XRN1: variants seen among roughly 807,000 people sequenced by gnomAD.
XRN1 encodes the protein strand-exchange protein 1 homolog.
In XRN1, 67 loss-of-function variants were observed where a neutral mutation model predicts 222.3. The observed-to-expected ratio is 0.30, with a 90% CI of 0.25 to 0.37. The LOEUF is 0.37. Among genes scored for constraint, XRN1 ranks in the 10% least tolerant of loss-of-function variants. The pLI, the probability that XRN1 is intolerant of heterozygous loss-of-function variation, is 1.00. For synonymous variants in XRN1, 643 were observed against 652.4 expected, an observed-to-expected ratio of 0.99 and a Z score of 0.22; for missense variants, 1,707 against 2,000.2, an observed-to-expected ratio of 0.85 and a Z score of 2.80.
At chr3:142,322,503 A>G (rs2065383572) in intron 37 of XRN1, among the ~76,000 whole-genome samples, 2 of 152,050 alleles carry the variant, frequency 1.3e-5, no homozygotes, top group Admixed American at 1.3e-4. Flanking sequence ...CCTGGCCAAC[A>G]TGGTGAACCC....
Position 142,332,460 on chromosome 3 carries a change from T to C in XRN1, c.4137A>G (p.Lys1379=), listed in dbSNP as rs372286605. 13 of 1,613,416 alleles carry C rather than the reference T, an allele frequency of 8.1e-6. No homozygotes were observed. The Admixed American group carries it at 8.3e-5, about 10-fold the overall frequency. ...SNTVDHKNEI[K]QIANEIPVSS... is the part of the protein sequence containing the mutation. ...AAACAGGGATTTCATTAGCAATCTG[T>C]TTGATTTCATTCTTATGGTCCACAG... is the stretch of plus-strand genomic sequence containing the variant. The change falls in exon 36 of 41, where the codon AAA becomes AAG. Residue 1379 remains lysine (K), a synonymous_variant. Coordinates refer to ENST00000392981, the MANE Select transcript of XRN1 (RefSeq NM_001282857.2).
intron 36 of XRN1, among the ~76,000 whole-genome samples, chr3:142,330,125 C>T (rs937758390): frequency 2.6e-5 from 4 of 152,116 alleles, no homozygotes; most frequent in Admixed American, 6.5e-5. Context: ...GGTACTGCTA[C>T]AGGTAAAATT....
intron 20 of XRN1, among the ~76,000 whole-genome samples, chr3:142,393,657 T>A (rs1198027167): frequency 6.6e-6 from 1 of 152,186 alleles, no homozygotes; most frequent in African/African-American, 2.4e-5. Context: ...AGCCAGCAAT[T>A]TCTATGGCTA....
intron 23 of XRN1, among the ~76,000 whole-genome samples, chr3:142,379,207 G>A (rs1292013292): frequency 1.3e-5 from 2 of 152,150 alleles, no homozygotes; most frequent in Admixed American, 6.5e-5. Flanking sequence ...GGAGGCAGAG[G>A]TTGCACTGAG....
intron 23 of XRN1, among the ~76,000 whole-genome samples, chr3:142,378,016 T>C (rs2067192616): frequency 6.6e-6 from 1 of 152,170 alleles, no homozygotes; most frequent in African/African-American, 2.4e-5. Context: ...TGCTGATACA[T>C]AATGCCTTAA....
intron 12 of XRN1, 67 bp downstream of exon 12, chr3:142,418,437 T>C (rs950716032): frequency 7.7e-7 from 1 of 1,296,050 alleles, no homozygotes; most frequent in Non-Finnish European, 1.1e-6. Flanking sequence ...ATCAAAATCA[T>C]ATTTTCTGAA....
intron 39 of XRN1, chr3:142,313,232 T>C (rs932592266): frequency 4.6e-6 from 7 of 1,537,734 alleles, no homozygotes; most frequent in East Asian, 2.2e-5. Flanking sequence ...ATATGACAGG[T>C]AGAATCTTTC....
intron 29 of XRN1, among the ~76,000 whole-genome samples, chr3:142,363,294 A>G (rs79971888): frequency 0.017 from 2,548 of 148,724 alleles, 75 homozygotes; most frequent in African/African-American, 0.06. Context: ...TTTTTCTTTT[A>G]CACTAAACAA....
intron 29 of XRN1, among the ~76,000 whole-genome samples, chr3:142,364,082 C>T (rs948541875): frequency 3.3e-5 from 5 of 152,210 alleles, no homozygotes; most frequent in Admixed American, 6.5e-5. Context: ...TATGTAAACA[C>T]AGGAAGATTA....
intron 40 of XRN1, among the ~76,000 whole-genome samples, chr3:142,312,392 CA>C (rs1391229282): frequency 6.6e-6 from 1 of 152,008 alleles, no homozygotes; most frequent in Admixed American, 6.6e-5. Flanking sequence ...ATTAGAATAG[CA>C]TATTACTTGG....
At chr3:142,362,208 G>T (rs1042640795) in intron 29 of XRN1, among the ~76,000 whole-genome samples, 1 of 151,984 alleles carries the variant, frequency 6.6e-6, no homozygotes, top group Non-Finnish European at 1.5e-5. Flanking sequence ...CATGATCTCG[G>T]CTCACTGCAA....
At chr3:142,325,590 T>G (rs113813157) in intron 37 of XRN1, among the ~76,000 whole-genome samples, 176 of 152,296 alleles carry the variant, frequency 1.2e-3, no homozygotes, top group African/African-American at 4.1e-3. Context: ...GATGGGTAGT[T>G]TGCAAATATT....
chr3:142,359,386 T>C (rs992526686), intron 30 of XRN1, among the ~76,000 whole-genome samples: 3 of 152,154 alleles, frequency 2.0e-5, no homozygotes, highest in Non-Finnish European at 2.9e-5. Context: ...GACAAAGACA[T>C]ACATGTCACT....
At position 142,432,959 on chromosome 3, in the gene XRN1, G is replaced by A. The variant is rs772247459; in HGVS notation, c.76-66C>T. The A allele has an allele frequency of 3.5e-4, 425 of 1,218,496 alleles. 1 individual carries two copies. Among genetic ancestry groups the A allele is most frequent in the Non-Finnish European group, 4.5e-4 (385 of 864,828 alleles). The allele number at this position is 1,218,496 out of a possible 1,614,324, so 75.5% of individuals were successfully genotyped here. ...TCAACTACAGATATCTTAAGCAGCA[G>A]GGAAAAGTGATTATTCAATGATGAA... On this transcript the variant is annotated intron_variant, in intron 1 of 40. Transcript: ENST00000392981.
At position 142,403,961 on chromosome 3, in the gene XRN1, G is replaced by A. The variant is rs760128026; in HGVS notation, c.1912C>T (p.Arg638Cys). 34 of 1,590,462 alleles carry A rather than the reference G, an allele frequency of 2.1e-5. No individual in the cohort carries two copies. Among genetic ancestry groups the A allele is most frequent in the African/African-American group, 4.0e-5 (3 of 74,368 alleles). The change falls in exon 17 of 41, where the codon CGT (arginine) becomes TGT (cysteine). Residue 638 changes from arginine to cysteine, a missense_variant. This residue lies in a region of XRN1 where 1,234 missense variants were observed against 1,518.2 expected (regional missense o/e 0.81). Transcript: ENST00000392981. ...RYKIISLDAW[R>C]VDINKNKITR... is the part of the protein sequence containing the mutation. ...ATTTTGTTTTTGTTTATGTCTACAC[G>A]CCAAGCATCTAAGGATATTATTTTA...
At chr3:142,330,450 C>A (rs1448872676) in intron 36 of XRN1, among the ~76,000 whole-genome samples, 1 of 151,986 alleles carries the variant, frequency 6.6e-6, no homozygotes, top group Admixed American at 6.6e-5. Context: ...CAAAAGCATA[C>A]CTCATTGAAG....
chr3:142,428,224 C>T (rs1417919702), intron 2 of XRN1, among the ~76,000 whole-genome samples: 1 of 151,894 alleles, frequency 6.6e-6, no homozygotes, highest in Non-Finnish European at 1.5e-5. Flanking sequence ...GAAACCCCAT[C>T]TCTGTTAAAA....
At chr3:142,391,522 T>C (rs1409885332) in intron 20 of XRN1, among the ~76,000 whole-genome samples, 1 of 151,886 alleles carries the variant, frequency 6.6e-6, no homozygotes, top group African/African-American at 2.4e-5. Flanking sequence ...TGAGGCTAGG[T>C]GTTTGAGACT....
intron 27 of XRN1, among the ~76,000 whole-genome samples, chr3:142,366,627 T>C (rs1577303611): frequency 6.6e-6 from 1 of 151,870 alleles, no homozygotes; most frequent in South Asian, 2.1e-4. Context: ...AGGACAGCAG[T>C]AGGGGGAGAC....
Sources: gnomAD v4.1 joint callset for allele counts (sites outside exome capture counted in the v4.1 genomes callset) on GRCh38, gnomAD v4.1.1 for gene constraint, gnomAD v4.1.1 regional missense constraint, MANE v1.5 for transcripts, NCBI Gene and HGNC (gene_info 2026-07-23, HGNC 2026-07-21) for gene names.